The following FNDC1 variants were observed in gnomAD, a reference collection of about 807,000 sequenced individuals.
FNDC1 encodes fibronectin type III domain containing 1.
FNDC1 carries 96 observed loss-of-function variants against 168.0 expected under a neutral mutation model. That is an observed-to-expected ratio of 0.57 (90% confidence interval 0.48 to 0.68). The LOEUF (loss-of-function observed/expected upper bound fraction) is 0.68, where lower values mean the gene tolerates loss of function less well. FNDC1 is among the 30% of genes least tolerant of loss of function. The pLI is 0.00. For missense variants in FNDC1, 2,587 were observed against 2,482.1 expected (o/e 1.04, Z -0.90); for synonymous variants, 1,099 against 1,025.9 (o/e 1.07, Z -1.36).
chr6:159,219,418 A>G (rs1314218744), intron 5 of FNDC1, among the ~76,000 whole-genome samples: 3 of 152,116 alleles, frequency 2.0e-5, no homozygotes, highest in Admixed American at 6.5e-5. Context: ...TCATATCTCT[A>G]TGAGGAAGAG....
chr6:159,221,847 C>T (rs960576636), intron 6 of FNDC1, among the ~76,000 whole-genome samples, 151 bp downstream of exon 6: 2 of 152,174 alleles, frequency 1.3e-5, no homozygotes, highest in East Asian at 1.9e-4. Context: ...TGGGTGTAAG[C>T]GTGCTGCTTT....
At chr6:159,194,227 A>G (rs546815963) in intron 1 of FNDC1, among the ~76,000 whole-genome samples, 168 of 152,350 alleles carry the variant, frequency 1.1e-3, no homozygotes, top group African/African-American at 3.8e-3. Context: ...TGTGAATATG[A>G]AAAAGCGTCT....
At chr6:159,227,188 T>C (rs531165) in intron 9 of FNDC1, among the ~76,000 whole-genome samples, 58,416 of 152,142 alleles carry the variant, frequency 0.38, 14,358 homozygotes, top group East Asian at 0.73. Flanking sequence ...TAAATAAACA[T>C]GAAAATCTTT....
At chr6:159,239,047 G>A (rs1283956913) in intron 13 of FNDC1, among the ~76,000 whole-genome samples, 2 of 152,152 alleles carry the variant, frequency 1.3e-5, no homozygotes, top group African/African-American at 2.4e-5. Context: ...TGGTAATTAC[G>A]TGAAATGCAC....
chr6:159,194,625 C>T (rs1026951741), intron 1 of FNDC1, among the ~76,000 whole-genome samples: 3 of 152,174 alleles, frequency 2.0e-5, no homozygotes, highest in Non-Finnish European at 4.4e-5. Flanking sequence ...CTTTATTTCA[C>T]GTTGAAGGAT....
chr6:159,227,553 A>C (rs1215034350), intron 9 of FNDC1, among the ~76,000 whole-genome samples: 1 of 151,980 alleles, frequency 6.6e-6, no homozygotes, highest in African/African-American at 2.4e-5. Context: ...GAATAATAGA[A>C]GTTAAGGAAG....
chr6:159,224,921 C>A (rs1346357666), intron 7 of FNDC1, among the ~76,000 whole-genome samples: 2 of 152,156 alleles, frequency 1.3e-5, no homozygotes, highest in Non-Finnish European at 2.9e-5. Context: ...CATATTTGGT[C>A]ATACTGTATT....
chr6:159,176,788 C>T lies in FNDC1; in HGVS notation c.109+7083C>T, dbSNP rs1428910434. 2.6e-5 allele frequency among the ~76,000 whole-genome samples: 4 copies of T among 152,152 alleles called. No homozygotes were observed. The East Asian group carries it at 7.7e-4, about 29-fold the overall frequency. ...CAGGTAGCAGCCAATCCCAGTACTG[C>T]ATGAGGCTCTGGCCAGAAAGGGCCA... On this transcript the variant is annotated intron_variant, in intron 1 of 22. Coordinates refer to ENST00000297267, the MANE Select transcript of FNDC1 (RefSeq NM_032532.3).
intron 10 of FNDC1, among the ~76,000 whole-genome samples, chr6:159,230,983 A>T (rs1005516248): frequency 6.6e-6 from 1 of 152,186 alleles, no homozygotes; most frequent in African/African-American, 2.4e-5. Flanking sequence ...TTATTTTAGA[A>T]TTATAAATGT....
intron 7 of FNDC1, among the ~76,000 whole-genome samples, chr6:159,224,679 G>A (rs1266316860): frequency 6.6e-6 from 1 of 152,184 alleles, no homozygotes; most frequent in Admixed American, 6.5e-5. Flanking sequence ...TGAAACCAGA[G>A]AAGGCTTGAG....
Position 159,266,260 on chromosome 6 carries a change from A to G in FNDC1, c.5446+15A>G, listed in dbSNP as rs764595593. 4.2e-5 allele frequency: 68 copies of G among 1,613,394 alleles called. No homozygotes were observed. The highest frequency in any genetic ancestry group is 5.5e-5 in the Non-Finnish European group (65 of 1,179,484). On this transcript the variant is annotated intron_variant, in intron 21 of 22. Transcript: ENST00000297267. ...CAACCTGAAAGGTAAGTCTTTGTGCATGGTTGGCTATGGGAGGTATGGAAC... is the reference window on the plus strand; with the variant it reads ...CAACCTGAAAGGTAAGTCTTTGTGCGTGGTTGGCTATGGGAGGTATGGAAC...
intron 1 of FNDC1, among the ~76,000 whole-genome samples, chr6:159,190,444 C>G (rs899855735): frequency 4.6e-5 from 7 of 152,344 alleles, no homozygotes; most frequent in Middle Eastern, 6.8e-3. Flanking sequence ...CGGGAAAGTT[C>G]CATTTGGCTC....
intron 17 of FNDC1, among the ~76,000 whole-genome samples, chr6:159,255,699 T>A (rs1777357713): frequency 6.6e-6 from 1 of 152,232 alleles, no homozygotes; most frequent in African/African-American, 2.4e-5. Flanking sequence ...CATACTAGGA[T>A]CATGAGGATT....
chr6:159,232,531 C>A lies in FNDC1; in HGVS notation c.2019C>A (p.Ser673Arg), dbSNP rs753366471. Residue 673 changes from serine to arginine, a missense_variant, in exon 11 of 23, where the codon AGC (serine) becomes AGA (arginine). Physicochemically the swap from Ser to Arg is moderately radical, Grantham distance 110 (BLOSUM62 -1). Transcript: ENST00000297267. This position sits in a 1 kb window ranked among gnomAD's most constrained non-coding sequence, Gnocchi z 4.9. ...AGCCCCGGCCAGCCCTGTCCCCCAGCCGCCAGTCCCCGTCCAGCGTTCTCC... is the reference window on the plus strand; with the variant it reads ...AGCCCCGGCCAGCCCTGTCCCCCAGACGCCAGTCCCCGTCCAGCGTTCTCC... ...FAQPRPALSPSRQSPSSVLRD... is the reference protein window; with the variant it reads ...FAQPRPALSPRRQSPSSVLRD... The A allele has an allele frequency of 1.2e-6, 2 of 1,612,264 alleles. No individual in the cohort carries two copies. The highest frequency in any genetic ancestry group is 1.3e-5 in the African/African-American group (1 of 74,924).
rs1242112881 is a variant in FNDC1 at position 159,251,428 on chromosome 6, C to T, written c.4961C>T (p.Pro1654Leu). ...IPNDLKKSDL[P>L]PQHAPRNITV... ...AATGACCTGAAGAAGAGTGACCTGC[C>T]TCCCCAGCATGCTCCCCGCAACATC... Residue 1654 changes from proline to leucine, a missense_variant, in exon 17 of 23, where the codon CCT becomes CTT. Transcript: ENST00000297267. The T allele has an allele frequency of 1.2e-6, 2 of 1,613,918 alleles. No homozygotes were observed. The highest frequency in any genetic ancestry group is 2.2e-5 in the East Asian group (1 of 44,870).
chr6:159,251,016 C>T (rs1357645134), intron 16 of FNDC1, among the ~76,000 whole-genome samples: 2 of 152,194 alleles, frequency 1.3e-5, no homozygotes, highest in African/African-American at 4.8e-5. Flanking sequence ...GCTTATATTA[C>T]ATTGAATTAT....
intron 9 of FNDC1, among the ~76,000 whole-genome samples, chr6:159,227,063 G>T (rs538308218): frequency 6.6e-6 from 1 of 152,232 alleles, no homozygotes; most frequent in South Asian, 2.1e-4. Context: ...TGTATTTATT[G>T]ATGTCAAGGA....
rs755863541 is a variant in FNDC1 at position 159,238,614 on chromosome 6, C to T, written c.4129C>T (p.His1377Tyr). 3 of 1,611,436 alleles carry T rather than the reference C, an allele frequency of 1.9e-6. No homozygotes were observed. The highest frequency in any genetic ancestry group is 2.5e-6 in the Non-Finnish European group (3 of 1,178,948). The change falls in exon 13 of 23, where the codon CAT becomes TAT. Residue 1377 changes from histidine (H) to tyrosine (Y), a missense_variant. By Grantham distance (83) the His-to-Tyr change is moderately conservative (BLOSUM62 2). Transcript: ENST00000297267. ...NAEGRYLQDS[H>Y]GNPLRIKLGG... is the part of the protein sequence containing the mutation. Reference sequence around the variant, plus strand: ...AGAAGGAAGGTACCTCCAAGATTCACATGGAAATCCTCTTCGGATTAAACT... The same window carrying T: ...AGAAGGAAGGTACCTCCAAGATTCATATGGAAATCCTCTTCGGATTAAACT...
intron 7 of FNDC1, among the ~76,000 whole-genome samples, chr6:159,224,012 A>T (rs900995074): frequency 5.9e-5 from 9 of 152,156 alleles, no homozygotes; most frequent in Non-Finnish European, 1.0e-4. Context: ...CTTTGGGAGG[A>T]GTCTCACCAT....
Sources: allele counts gnomAD v4.1 joint callset (sites outside exome capture counted in the v4.1 genomes callset), GRCh38; gene constraint gnomAD v4.1.1; non-coding constraint Gnocchi (gnomAD v3.1); transcripts MANE v1.5; gene names NCBI Gene and HGNC (gene_info 2026-07-23, HGNC 2026-07-21).